The following FNDC1 variants were observed in gnomAD, a reference collection of about 807,000 sequenced individuals.
FNDC1 encodes the protein fibronectin type III domain containing 1, also known as fibronectin type III domain-containing protein 1.
Under a neutral mutation model 168.0 loss-of-function variants are expected in FNDC1, and 96 were observed. The ratio of observed to expected loss-of-function variants is 0.57; its 90% CI spans 0.48 to 0.68. The LOEUF is 0.68. Ranked by LOEUF, FNDC1 falls within the 30% of genes least tolerant of loss-of-function variation. The pLI, the probability that FNDC1 is intolerant of heterozygous loss-of-function variation, is 0.00. For missense variants in FNDC1, 2,587 were observed against 2,482.1 expected (o/e 1.04, Z -0.90); for synonymous variants, 1,099 against 1,025.9 (o/e 1.07, Z -1.36).
chr6:159,269,205 ATATCTATCTATCTATC>A lies in FNDC1; in HGVS notation c.5569+1308_5569+1323del, dbSNP rs148868340. On this transcript the variant is annotated intron_variant, in intron 22 of 22. Coordinates refer to ENST00000297267, the MANE Select transcript of FNDC1 (RefSeq NM_032532.3). ...GTATCCATCCATTATCTACCTATTC[ATATCTATCTATCTATC>A]TATCTATCTATCTATCTATCTATCT... Among the ~76,000 whole-genome samples the A allele has an allele frequency of 7.5e-3, 864 of 114,848 alleles. 10 individuals carry two copies. Among genetic ancestry groups the A allele is most frequent in the East Asian group, 0.014 (49 of 3,564 alleles). The allele number at this position is 114,848 out of a possible 152,430, so 75.3% of individuals were successfully genotyped here.
rs575385762 is a variant in FNDC1, at chr6:159,169,767, G to A, written c.109+62G>A. The A allele has an allele frequency of 4.0e-5, 26 of 653,808 alleles. No individual in the cohort carries two copies. The African/African-American group carries it at 4.1e-4, about 10-fold the overall frequency. The allele number at this position is 653,808 out of a possible 1,614,324, so 40.5% of individuals were successfully genotyped here. On this transcript the variant is annotated intron_variant, in intron 1 of 22. Coordinates refer to ENST00000297267, the MANE Select transcript of FNDC1 (RefSeq NM_032532.3). The surrounding 1 kb of genome is among the most constrained non-coding windows in gnomAD (Gnocchi z 6.8). ...TCCCCGCGCACCCTCCTGCGCTCGG[G>A]CCCCGTCGTCCCGCTCAGTGCTGGC... is the stretch of plus-strand genomic sequence containing the variant.
intron 14 of FNDC1, among the ~76,000 whole-genome samples, chr6:159,246,061 G>A (rs1783532410): frequency 6.6e-6 from 1 of 151,616 alleles, no homozygotes; most frequent in African/African-American, 2.4e-5. Context: ...GCGTCATTAT[G>A]GTAATTTTAA....
intron 5 of FNDC1, chr6:159,218,580 A>C (rs531935039): frequency 5.3e-5 from 8 of 152,208 alleles, no homozygotes; most frequent in Non-Finnish European, 1.0e-4. Flanking sequence ...TTTATACCAG[A>C]GAGGCCACAG....
At chr6:159,250,489 T>G (rs1211815093) in intron 16 of FNDC1, among the ~76,000 whole-genome samples, 1 of 152,202 alleles carries the variant, frequency 6.6e-6, no homozygotes, top group Non-Finnish European at 1.5e-5. Context: ...ACTTGAGAGT[T>G]TTGCATATAT....
At chr6:159,237,471 A>T (rs550286600) in intron 12 of FNDC1, among the ~76,000 whole-genome samples, 1 of 152,328 alleles carries the variant, frequency 6.6e-6, no homozygotes, top group African/African-American at 2.4e-5. Context: ...CTTGTTCCTT[A>T]ATAGAGATAA....
intron 18 of FNDC1, among the ~76,000 whole-genome samples, chr6:159,258,541 G>A (rs1237616426): frequency 2.0e-5 from 3 of 152,176 alleles, no homozygotes; most frequent in Non-Finnish European, 2.9e-5. Flanking sequence ...AAAGGAGGCC[G>A]ATTGGGAGGA....
chr6:159,243,518 G>A (rs1270463851), intron 14 of FNDC1, among the ~76,000 whole-genome samples: 1 of 152,004 alleles, frequency 6.6e-6, no homozygotes, highest in Non-Finnish European at 1.5e-5. Flanking sequence ...TACTTCTTTG[G>A]TGACATTTTT....
chr6:159,229,469 C>T (rs947349537), intron 9 of FNDC1, among the ~76,000 whole-genome samples: 1 of 152,178 alleles, frequency 6.6e-6, no homozygotes, highest in African/African-American at 2.4e-5. Flanking sequence ...TCTATCAGGA[C>T]ATATCAATCA....
At chr6:159,176,201 G>A (rs375851982) in intron 1 of FNDC1, among the ~76,000 whole-genome samples, 286 of 152,294 alleles carry the variant, frequency 1.9e-3, no homozygotes, top group South Asian at 9.3e-3. Context: ...AAAGCAAGGG[G>A]ATTGACCTAG....
chr6:159,243,925 G>A (rs558946028), intron 14 of FNDC1, among the ~76,000 whole-genome samples: 1 of 152,198 alleles, frequency 6.6e-6, no homozygotes, highest in African/African-American at 2.4e-5. Context: ...GAACTCATTT[G>A]CTGGTAAAAG....
intron 9 of FNDC1, among the ~76,000 whole-genome samples, chr6:159,228,800 C>T (rs1783013097): frequency 6.6e-6 from 1 of 152,120 alleles, no homozygotes; most frequent in South Asian, 2.1e-4. Flanking sequence ...CTCAGCCTCT[C>T]GAGTAGCTGG....
intron 4 of FNDC1, among the ~76,000 whole-genome samples, chr6:159,204,993 C>A (rs572931227): frequency 6.6e-6 from 1 of 152,128 alleles, no homozygotes; most frequent in African/African-American, 2.4e-5. Context: ...CCTCCTGAAC[C>A]CTCACTGCTC....
chr6:159,253,654 A>T (rs988392577), intron 17 of FNDC1, among the ~76,000 whole-genome samples: 7 of 152,348 alleles, frequency 4.6e-5, no homozygotes, highest in Admixed American at 3.9e-4. Flanking sequence ...GGAAATCACC[A>T]ACGTGATGAC....
chr6:159,176,198 G>C (rs1781757099), intron 1 of FNDC1, among the ~76,000 whole-genome samples: 1 of 152,188 alleles, frequency 6.6e-6, no homozygotes, highest in African/African-American at 2.4e-5. Flanking sequence ...AGCAAAGCAA[G>C]GGGATTGACC....
intron 19 of FNDC1, 35 bp downstream of exon 19, chr6:159,261,304 T>A (rs1280755022): frequency 1.4e-6 from 2 of 1,451,508 alleles, no homozygotes; most frequent in East Asian, 4.5e-5. Flanking sequence ...TTGTTTTACT[T>A]TTCGAGAAAA....
chr6:159,182,991 G>C (rs562331906), intron 1 of FNDC1, among the ~76,000 whole-genome samples: 1 of 152,244 alleles, frequency 6.6e-6, no homozygotes, highest in Non-Finnish European at 1.5e-5. Flanking sequence ...AATTGGCCAA[G>C]AGCTGAGATA....
intron 1 of FNDC1, among the ~76,000 whole-genome samples, chr6:159,187,132 C>G (rs1206624285): frequency 6.6e-6 from 1 of 152,160 alleles, no homozygotes; most frequent in Non-Finnish European, 1.5e-5. Context: ...TAGGGCAGAG[C>G]TGCTCACTCC....
chr6:159,234,006 G>C lies in FNDC1; in HGVS notation c.3494G>C (p.Arg1165Pro), dbSNP rs769741285. 1.9e-6 allele frequency: 3 copies of C among 1,607,444 alleles called. No individual in the cohort carries two copies. Among genetic ancestry groups the C allele is most frequent in the South Asian group, 1.1e-5 (1 of 89,950 alleles). ...GGGAAGTCGGAGCCTCCTTCCAAGC[G>C]GCCCCTGTCCTCCAAGTCCCAGCAG... ...APGKSEPPSK[R>P]PLSSKSQQSV... The change falls in exon 11 of 23, where the codon CGG becomes CCG. Residue 1165 changes from arginine to proline, a missense_variant. Physicochemically the swap from Arg to Pro is moderately radical, Grantham distance 103 (BLOSUM62 -2). Transcript: ENST00000297267.
intron 1 of FNDC1, among the ~76,000 whole-genome samples, chr6:159,191,907 A>C (rs550886211): frequency 2.0e-5 from 3 of 152,192 alleles, no homozygotes; most frequent in African/African-American, 7.2e-5. Flanking sequence ...TCTGTCGCCC[A>C]GGCTAGGGTG....
Sources: gnomAD v4.1 joint callset for allele counts (sites outside exome capture counted in the v4.1 genomes callset) on GRCh38, gnomAD v4.1.1 for gene constraint, Gnocchi (gnomAD v3.1) non-coding constraint, MANE v1.5 for transcripts, NCBI Gene and HGNC (gene_info 2026-07-23, HGNC 2026-07-21) for gene names.